DAB2: variants seen among roughly 807,000 people sequenced by gnomAD.
DAB2 encodes DAB adaptor protein 2.
A neutral mutation model predicts 71.6 loss-of-function variants in DAB2; 28 were observed. That is an observed-to-expected ratio of 0.39 (90% CI 0.29 to 0.54). The LOEUF is 0.54. DAB2 is among the 20% of genes least tolerant of loss of function. The pLI is 0.68. For missense variants in DAB2, 867 were observed against 928.8 expected (o/e 0.93, Z 0.86); for synonymous variants, 345 against 339.7 (o/e 1.02, Z -0.17).
At position 39,382,853 on chromosome 5, in the gene DAB2, G is replaced by C; in HGVS notation, c.1106C>G (p.Ser369Trp). 6.2e-7 allele frequency: 1 copy of C among 1,614,074 alleles called. No homozygotes were observed. Among genetic ancestry groups the C allele is most frequent in the Non-Finnish European group, 8.5e-7 (1 of 1,180,010 alleles). ...AGTTCTCACTGCTGGCTGGGTTTGC[G>C]AACTTGAAAAGGGCCATGGGCCTGC... ...AQAGPWPFSS[S>W]QTQPAVRTQN... is the part of the protein sequence containing the mutation. Residue 369 changes from serine (S) to tryptophan (W), a missense_variant, in exon 10 of 15, where the codon TCG becomes TGG. Physicochemically the swap from Ser to Trp is radical, Grantham distance 177 (BLOSUM62 -3). Transcript: ENST00000320816.
chr5:39,422,471 A>G lies in DAB2; in HGVS notation c.-102+2333T>C, dbSNP rs1308000535. ...ATAATTAAATCCTCAGGTCAAAAGA[A>G]TGAGGAAGAGAAACACGCAGAGCCT... is the stretch of plus-strand genomic sequence containing the variant. On this transcript the variant is annotated intron_variant, in intron 1 of 14. Transcript: ENST00000320816. This position sits in a 1 kb window ranked among gnomAD's most constrained non-coding sequence, Gnocchi z 4.1. Among the ~76,000 whole-genome samples the G allele has an allele frequency of 1.3e-5, 2 of 152,232 alleles. No individual in the cohort carries two copies. The highest frequency in any genetic ancestry group is 4.8e-5 in the African/African-American group (2 of 41,464).
rs374766869 is a variant in DAB2 at position 39,381,571 on chromosome 5, C to T, written c.1387G>A (p.Val463Ile). ...LLASDIFAPP[V>I]SEPSGQASPT... The stretch of plus-strand genomic sequence containing the variant: ...GACGCCTGGCCTGAAGGTTCTGAGA[C>T]GGGAGGAGCAAAGATGTCTGATGCA... Residue 463 changes from valine (V) to isoleucine (I), a missense_variant, in exon 11 of 15, where the codon GTC becomes ATC. Val to Ile is a conservative substitution (Grantham distance 29). Around this residue, in one of 2 missense-constraint regions of DAB2, gnomAD observed 740 missense variants for 734.3 expected, o/e 1.01. Transcript: ENST00000320816. 107 of 1,613,792 alleles carry T rather than the reference C, an allele frequency of 6.6e-5. No homozygotes were observed. Among genetic ancestry groups the T allele is most frequent in the South Asian group, 3.6e-4 (33 of 91,072 alleles).
At chr5:39,383,492 T>TA (rs1420025430) in intron 9 of DAB2, among the ~76,000 whole-genome samples, 1 of 152,194 alleles carries the variant, frequency 6.6e-6, no homozygotes, top group Non-Finnish European at 1.5e-5. Flanking sequence ...CCCTTTTATT[T>TA]AAGTCTCAAC....
chr5:39,393,795 G>A (rs1422590317), intron 2 of DAB2, among the ~76,000 whole-genome samples: 1 of 152,042 alleles, frequency 6.6e-6, no homozygotes, highest in African/African-American at 2.4e-5. Flanking sequence ...TATCAATAAG[G>A]CAGAAAGGAA....
chr5:39,424,150 C>A (rs1473518021), intron 1 of DAB2, among the ~76,000 whole-genome samples: 2 of 152,100 alleles, frequency 1.3e-5, no homozygotes, highest in South Asian at 2.1e-4. Flanking sequence ...ATTTTTCCCC[C>A]CTTTTTTAGA....
At chr5:39,387,400 T>G (rs1248742378) in intron 9 of DAB2, among the ~76,000 whole-genome samples, 2 of 152,268 alleles carry the variant, frequency 1.3e-5, no homozygotes, top group East Asian at 3.9e-4. Context: ...TGCAGAAGCA[T>G]TACCTGAATC....
At chr5:39,410,523 A>C (rs1035840426) in intron 1 of DAB2, among the ~76,000 whole-genome samples, 1 of 152,174 alleles carries the variant, frequency 6.6e-6, no homozygotes, top group Non-Finnish European at 1.5e-5. Flanking sequence ...TAAACAAATC[A>C]TTAAATCATA....
At chr5:39,380,643 A>G (rs1013759954) in intron 11 of DAB2, among the ~76,000 whole-genome samples, 2 of 152,226 alleles carry the variant, frequency 1.3e-5, no homozygotes, top group African/African-American at 4.8e-5. Context: ...GACTAAGAAT[A>G]GCAAGGCCAG....
At chr5:39,377,310 T>C in intron 11 of DAB2, 28 bp from the exon 12 acceptor site, 1 of 1,587,936 alleles carries the variant, frequency 6.3e-7, no homozygotes, top group Non-Finnish European at 8.6e-7. Context: ...AAAATACTTA[T>C]CAGGAGTCAA....
At chr5:39,398,800 T>C (rs1416633065) in intron 1 of DAB2, among the ~76,000 whole-genome samples, 1 of 152,228 alleles carries the variant, frequency 6.6e-6, no homozygotes, top group Non-Finnish European at 1.5e-5. Context: ...GTCCCCATCA[T>C]AGACTTGTCA....
chr5:39,413,036 G>A (rs531455909), intron 1 of DAB2, among the ~76,000 whole-genome samples: 5 of 152,090 alleles, frequency 3.3e-5, no homozygotes, highest in Admixed American at 6.5e-5. Flanking sequence ...TAGGGTGGGC[G>A]ATAGCACTCT....
Position 39,389,732 on chromosome 5 carries a change from G to A in DAB2, c.543+120C>T, listed in dbSNP as rs555697786. 110 of 592,638 alleles carry A rather than the reference G, an allele frequency of 1.9e-4. No individual in the cohort carries two copies. In the East Asian group the frequency reaches 3.6e-3, roughly 19 times the overall value. The allele number at this position is 592,638 out of a possible 1,614,324, so 36.7% of individuals were successfully genotyped here. ...TCGCCATGTTGGCCAGGCTGGTCTCGAACTCCTGACCTCAGGTGATCCACC... is the reference window on the plus strand; with the variant it reads ...TCGCCATGTTGGCCAGGCTGGTCTCAAACTCCTGACCTCAGGTGATCCACC... On this transcript the variant is annotated intron_variant, in intron 6 of 14. Coordinates refer to ENST00000320816, the MANE Select transcript of DAB2 (RefSeq NM_001343.4).
At position 39,377,352 on chromosome 5, in the gene DAB2, A is replaced by T. The variant is rs1029748899; in HGVS notation, c.1505-70T>A. 2.7e-6 allele frequency: 4 copies of T among 1,491,920 alleles called. 1 individual carries two copies. The highest frequency in any genetic ancestry group is 2.8e-5 in the African/African-American group (2 of 71,838). 92.4% of individuals were successfully genotyped at this position (1,491,920 alleles called of 1,614,324 possible). ...AGAAGATTCTTGAATTTCAGAGAGC[A>T]CAACTCTCTGGAAAGCCTCTCCACA... On this transcript the variant is annotated intron_variant, in intron 11 of 14. Transcript: ENST00000320816.
Position 39,379,179 on chromosome 5 carries a change from C to T in DAB2, c.1505-1897G>A, listed in dbSNP as rs143401867. 3.3e-3 allele frequency among the ~76,000 whole-genome samples: 506 copies of T among 152,102 alleles called. 5 individuals carry two copies. Among genetic ancestry groups the T allele is most frequent in the Middle Eastern group, 0.014 (4 of 294 alleles). Reference sequence around the variant, plus strand: ...AAAAGAGAAAAATATTAGGGCTGGGCGCAGTGGCTTACACCTGTAATCCCA... The same window carrying T: ...AAAAGAGAAAAATATTAGGGCTGGGTGCAGTGGCTTACACCTGTAATCCCA... On this transcript the variant is annotated intron_variant, in intron 11 of 14. Transcript: ENST00000320816.
At chr5:39,383,393 G>A (rs575418045) in intron 9 of DAB2, 122 bp from the exon 10 acceptor site, 9 of 800,026 alleles carry the variant, frequency 1.1e-5, no homozygotes, top group Admixed American at 2.7e-5. Flanking sequence ...TTGATAAATC[G>A]GTTGATCATT....
intron 11 of DAB2, among the ~76,000 whole-genome samples, chr5:39,377,852 A>C (rs866878132): frequency 1.7e-4 from 26 of 152,206 alleles, no homozygotes; most frequent in African/African-American, 6.3e-4. Context: ...AAACCATTTC[A>C]AAGTTTCTTC....
At chr5:39,384,984 G>GAA (rs553184619) in intron 9 of DAB2, among the ~76,000 whole-genome samples, 1 of 150,030 alleles carries the variant, frequency 6.7e-6, no homozygotes, top group South Asian at 2.1e-4. Flanking sequence ...GCTTTTAAAA[G>GAA]AAAAAAAAAT....
In DAB2 at chr5:39,377,268, T is replaced by A; in HGVS notation, c.1519A>T (p.Thr507Ser). The A allele has an allele frequency of 6.2e-7, 1 of 1,611,870 alleles. No homozygotes were observed. Among genetic ancestry groups the A allele is most frequent in the Non-Finnish European group, 8.5e-7 (1 of 1,178,736 alleles). Residue 507 changes from threonine (T) to serine (S), a missense_variant, in exon 12 of 15, where the codon ACA becomes TCA. Thr to Ser is a moderately conservative substitution (Grantham distance 58, BLOSUM62 1). Transcript: ENST00000320816. ...TTCCATGGTCCTGCCTGAGGGAGTGTGACAGTTACACCACCTGAAGTAAGA... is the reference window on the plus strand; with the variant it reads ...TTCCATGGTCCTGCCTGAGGGAGTGAGACAGTTACACCACCTGAAGTAAGA... ...PLVGLGGVTV[T>S]LPQAGPWNTA...
chr5:39,420,875 A>T (rs957169647), intron 1 of DAB2, among the ~76,000 whole-genome samples: 4 of 152,114 alleles, frequency 2.6e-5, no homozygotes, highest in Admixed American at 6.5e-5. Context: ...AAGGGGAGTA[A>T]CCATGGCAAC....
Sources: allele counts gnomAD v4.1 joint callset (sites outside exome capture counted in the v4.1 genomes callset), GRCh38; gene constraint gnomAD v4.1.1; regional missense constraint gnomAD v4.1.1; non-coding constraint Gnocchi (gnomAD v3.1); transcripts MANE v1.5; gene names NCBI Gene and HGNC (gene_info 2026-07-23, HGNC 2026-07-21).